JAM2: variants seen among roughly 807,000 people sequenced by gnomAD.
JAM2 encodes junctional adhesion molecule B.
In JAM2, 17 loss-of-function variants were observed where a neutral mutation model predicts 42.0. That is an observed-to-expected ratio of 0.40 (90% CI 0.28 to 0.61). The LOEUF (loss-of-function observed/expected upper bound fraction) is 0.61, where lower values mean the gene tolerates loss of function less well. JAM2 is among the 20% of genes least tolerant of loss of function. The pLI, the probability that JAM2 is intolerant of heterozygous loss-of-function variation, is 0.37. For synonymous variants in JAM2, 118 were observed against 128.6 expected (o/e 0.92, Z 0.56); for missense variants, 319 against 358.3 (o/e 0.89, Z 0.89).
intron 1 of JAM2, among the ~76,000 whole-genome samples, chr21:25,646,928 C>G (rs144053096): frequency 1.3e-5 from 2 of 152,234 alleles, no homozygotes; most frequent in East Asian, 3.9e-4. Flanking sequence ...GTTGGGTTTT[C>G]TGTTTTGTTG....
intron 3 of JAM2, chr21:25,692,052 TG>T (rs1180634163): frequency 2.6e-5 from 4 of 151,460 alleles, no homozygotes; most frequent in African/African-American, 9.8e-5. Context: ...AGGGCCTCAG[TG>T]GCCAGGCCTG....
At chr21:25,696,841 T>A (rs2034047849) in intron 4 of JAM2, among the ~76,000 whole-genome samples, 1 of 152,178 alleles carries the variant, frequency 6.6e-6, no homozygotes, top group African/African-American at 2.4e-5. Context: ...CCATCTTCAA[T>A]GAAAGAAAAG....
At chr21:25,711,070 G>A (rs549192189) in intron 8 of JAM2, among the ~76,000 whole-genome samples, 15 of 152,306 alleles carry the variant, frequency 9.8e-5, no homozygotes, top group African/African-American at 3.4e-4. Flanking sequence ...TGGCTTCAAG[G>A]TTATGAGAAG....
rs1266216989 is a variant in JAM2 at position 25,715,953 on chromosome 21, G to GACAACTAT, written c.*1282_*1289dup. The GACAACTAT allele has an allele frequency of 3.3e-5, 5 of 150,616 alleles. No individual in the cohort carries two copies. The highest frequency in any genetic ancestry group is 1.2e-4 in the African/African-American group (5 of 40,992). 9.3% of individuals were successfully genotyped at this position (150,616 alleles called of 1,614,324 possible). A position where few individuals can be genotyped will look rare whatever the true frequency, so the allele number is the denominator to read the frequency against. ...GATGAAAAGGTCACTTGCTACCTTTGACAACTATGAACATGATGGTTAATC... is the reference window on the plus strand; with the variant it reads ...GATGAAAAGGTCACTTGCTACCTTTGACAACTATACAACTATGAACATGATGGTTAATC... On this transcript the variant is annotated 3_prime_UTR_variant, in exon 10 of 10. Coordinates refer to ENST00000480456, the MANE Select transcript of JAM2 (RefSeq NM_021219.4).
At chr21:25,699,487 C>T (rs1373435615) in intron 5 of JAM2, among the ~76,000 whole-genome samples, 2 of 151,986 alleles carry the variant, frequency 1.3e-5, no homozygotes, top group Non-Finnish European at 2.9e-5. Flanking sequence ...CTTTGGGAGG[C>T]CGAGGTGGGC....
intron 6 of JAM2, among the ~76,000 whole-genome samples, chr21:25,703,777 A>AAC: frequency 6.6e-6 from 1 of 151,696 alleles, no homozygotes; most frequent in Middle Eastern, 3.4e-3. Context: ...TCAAAAAAAA[A>AAC]AAAACACAAA....
chr21:25,674,038 A>G (rs1364661010), intron 1 of JAM2, among the ~76,000 whole-genome samples: 2 of 152,072 alleles, frequency 1.3e-5, no homozygotes, highest in Non-Finnish European at 2.9e-5. Flanking sequence ...CTTCCACCAT[A>G]ATTGTGAGGC....
chr21:25,692,641 ACTT>A (rs1189535297), intron 3 of JAM2: 1 of 152,178 alleles, frequency 6.6e-6, no homozygotes, highest in Non-Finnish European at 1.5e-5. Flanking sequence ...ACATGAATGA[ACTT>A]ATTATTATGA....
At chr21:25,665,997 G>A (rs13048527) in intron 1 of JAM2, among the ~76,000 whole-genome samples, 9,180 of 151,920 alleles carry the variant, frequency 0.06, 402 homozygotes, top group Middle Eastern at 0.13. Flanking sequence ...CTGAGATTGC[G>A]CCATTGCACT....
At chr21:25,671,478 C>A (rs978266098) in intron 1 of JAM2, among the ~76,000 whole-genome samples, 3 of 151,880 alleles carry the variant, frequency 2.0e-5, no homozygotes, top group Non-Finnish European at 2.9e-5. Flanking sequence ...TTATATACAA[C>A]CTATTTTAGA....
At position 25,669,737 on chromosome 21, in the gene JAM2, G is replaced by A. The variant is rs73161730; in HGVS notation, c.68-14146G>A. 7.9e-3 allele frequency among the ~76,000 whole-genome samples: 1,204 copies of A among 152,254 alleles called. 7 individuals carry two copies. Among genetic ancestry groups the A allele is most frequent in the Non-Finnish European group, 0.011 (778 of 67,998 alleles). ...TCACAGCACTGGGTTTCAAATACTG[G>A]GTTATGACTTCCTAAAGACAGAATG... On this transcript the variant is annotated intron_variant, in intron 1 of 9. Transcript: ENST00000480456.
intron 2 of JAM2, among the ~76,000 whole-genome samples, chr21:25,686,047 G>A (rs2033744971): frequency 6.6e-6 from 1 of 152,158 alleles, no homozygotes; most frequent in African/African-American, 2.4e-5. Flanking sequence ...TAGTTTTTAA[G>A]TGAACAATTC....
intron 1 of JAM2, among the ~76,000 whole-genome samples, chr21:25,662,196 G>A (rs1601005364): frequency 6.6e-6 from 1 of 152,158 alleles, no homozygotes. Context: ...CACCCCAGCT[G>A]GAGTGCAGTG....
At chr21:25,675,070 G>C (rs1423383524) in intron 1 of JAM2, among the ~76,000 whole-genome samples, 3 of 152,088 alleles carry the variant, frequency 2.0e-5, no homozygotes, top group Non-Finnish European at 4.4e-5. Flanking sequence ...AAGCATAGTG[G>C]CTTCTGCTTC....
chr21:25,704,166 A>G (rs1810144741), intron 6 of JAM2, among the ~76,000 whole-genome samples: 1 of 152,246 alleles, frequency 6.6e-6, no homozygotes, highest in Admixed American at 6.5e-5. Flanking sequence ...GTTCTCAGGA[A>G]TTTCACTTAC....
intron 1 of JAM2, among the ~76,000 whole-genome samples, chr21:25,654,770 A>G (rs1035244297): frequency 3.3e-5 from 5 of 152,178 alleles, no homozygotes; most frequent in African/African-American, 4.8e-5. Flanking sequence ...GCGAACTTTC[A>G]TTACAGAAGG....
chr21:25,680,319 C>A (rs1239601528), intron 1 of JAM2, among the ~76,000 whole-genome samples: 2 of 152,200 alleles, frequency 1.3e-5, no homozygotes, highest in African/African-American at 4.8e-5. Context: ...TATCTCTTCC[C>A]TGAGCACTTT....
In JAM2 at chr21:25,639,640, A is replaced by C; in HGVS notation, c.-182A>C. 7 of 505,144 alleles carry C rather than the reference A, an allele frequency of 1.4e-5. No individual in the cohort carries two copies. The highest frequency in any genetic ancestry group is 7.3e-5 in the Admixed American group (2 of 27,368). 31.3% of individuals were successfully genotyped at this position (505,144 alleles called of 1,614,324 possible). ...CTGGAGGACCCGCCTCTTGGCAGCC[A>C]GCTGAGAAGGCGCCCCGGGGAGGGG... On this transcript the variant is annotated 5_prime_UTR_variant, in exon 1 of 10. Transcript: ENST00000480456.
Position 25,639,730 on chromosome 21 carries a change from C to A in JAM2, c.-92C>A. The A allele has an allele frequency of 1.3e-6, 1 of 769,426 alleles. No individual in the cohort carries two copies. The highest frequency in any genetic ancestry group is 2.1e-6 in the Non-Finnish European group (1 of 476,622). 47.7% of individuals were successfully genotyped at this position (769,426 alleles called of 1,614,324 possible). ...CCCCTCCCGACTCTCTGCTCCTTTC[C>A]CGCCCCAGAAGTTCAAGGGCCCCCG... On this transcript the variant is annotated 5_prime_UTR_variant, in exon 1 of 10. Coordinates refer to ENST00000480456, the MANE Select transcript of JAM2 (RefSeq NM_021219.4).
Sources: gnomAD v4.1 joint callset for allele counts (sites outside exome capture counted in the v4.1 genomes callset) on GRCh38, gnomAD v4.1.1 for gene constraint, MANE v1.5 for transcripts, NCBI Gene and HGNC (gene_info 2026-07-23, HGNC 2026-07-21) for gene names.